Variants in B3GALT1 observed in about 807,000 individuals in gnomAD.
B3GALT1 encodes UDP-Gal:betaGlcNAc beta 1,3-galactosyltransferase, polypeptide 1.
In B3GALT1, 10 loss-of-function variants were observed where a neutral mutation model predicts 23.2. The ratio of observed to expected loss-of-function variants is 0.43; its 90% CI spans 0.27 to 0.73. The LOEUF is 0.73. B3GALT1 is among the 30% of genes least tolerant of loss of function. The probability of loss-of-function intolerance (pLI) is 0.21; values close to 1 mark genes in which losing one functional copy is unlikely to be tolerated. For synonymous variants in B3GALT1, 156 were observed against 141.5 expected, an observed-to-expected ratio of 1.10 and a Z score of -0.73; for missense variants, 299 against 405.4, an observed-to-expected ratio of 0.74 and a Z score of 2.25.
At chr2:167,296,632 A>G (rs540222470) in intron 1 of B3GALT1, among the ~76,000 whole-genome samples, 36 of 152,202 alleles carry the variant, frequency 2.4e-4, no homozygotes, top group Non-Finnish European at 4.6e-4. Flanking sequence ...CGTTCTCTTT[A>G]CTAATCTATT....
intron 1 of B3GALT1, among the ~76,000 whole-genome samples, chr2:167,418,987 A>T (rs1698509249): frequency 6.6e-6 from 1 of 152,210 alleles, no homozygotes; most frequent in African/African-American, 2.4e-5. Context: ...GGCTGCTTCC[A>T]TTAGAGTCTC....
At chr2:167,484,799 A>T (rs1699602431) in intron 1 of B3GALT1, among the ~76,000 whole-genome samples, 1 of 152,182 alleles carries the variant, frequency 6.6e-6, no homozygotes, top group African/African-American at 2.4e-5. Context: ...AGGGAAGGGG[A>T]TTCTCTACAG....
rs188032185 is a variant in B3GALT1, at chr2:167,734,714, A to G, written c.-351-83958A>G. ...TTTCCTTCTAACAATCTGATTCCCC[A>G]AGTATCGTTCCTGGACTGCTTTTCT... is the stretch of plus-strand genomic sequence containing the variant. On this transcript the variant is annotated intron_variant, in intron 3 of 4. Transcript: ENST00000392690. Among the ~76,000 whole-genome samples, 85 of 152,326 alleles carry G rather than the reference A, an allele frequency of 5.6e-4. 2 individuals carry two copies. Among genetic ancestry groups the G allele is most frequent in the African/African-American group, 1.9e-3 (77 of 41,594 alleles).
chr2:167,351,838 G>T (rs1235155899), intron 1 of B3GALT1, among the ~76,000 whole-genome samples: 5 of 151,922 alleles, frequency 3.3e-5, no homozygotes, highest in African/African-American at 1.2e-4. Flanking sequence ...GACCACTACT[G>T]TCTTTGCTTT....
In B3GALT1 at chr2:167,715,058, A is replaced by G. The variant is rs553223940; in HGVS notation, c.-352+68092A>G. On this transcript the variant is annotated intron_variant, in intron 3 of 4. Transcript: ENST00000392690. ...GTCCACTTCAGATAACTGAATAATAATGTGGTTTCTTTCTCCTTCTAAGGC... is the reference window on the plus strand; with the variant it reads ...GTCCACTTCAGATAACTGAATAATAGTGTGGTTTCTTTCTCCTTCTAAGGC... The G allele has an allele frequency of 7.8e-5, 125 of 1,612,040 alleles. No homozygotes were observed. In the African/African-American group the frequency reaches 1.6e-3, roughly 21 times the overall value.
At chr2:167,860,422 G>C (rs907685778) in intron 4 of B3GALT1, among the ~76,000 whole-genome samples, 1 of 151,902 alleles carries the variant, frequency 6.6e-6, no homozygotes, top group African/African-American at 2.4e-5. Context: ...CTTTTAGCTG[G>C]TTAATGTTGG....
At chr2:167,444,430 T>C (rs1403142896) in intron 1 of B3GALT1, among the ~76,000 whole-genome samples, 1 of 152,232 alleles carries the variant, frequency 6.6e-6, no homozygotes, top group East Asian at 1.9e-4. Context: ...TAGAATAGTT[T>C]CAGAAGGAAT....
chr2:167,385,346 A>G (rs1481009462), intron 1 of B3GALT1, among the ~76,000 whole-genome samples: 1 of 152,110 alleles, frequency 6.6e-6, no homozygotes. Context: ...ATCACTCCCT[A>G]ATAGCACTTT....
intron 1 of B3GALT1, among the ~76,000 whole-genome samples, chr2:167,437,921 G>T (rs1365884770): frequency 6.6e-6 from 1 of 152,184 alleles, no homozygotes. Context: ...ATTAAAGTCT[G>T]TTAAGGTAGA....
intron 1 of B3GALT1, among the ~76,000 whole-genome samples, chr2:167,447,768 C>T (rs1005115778): frequency 6.6e-6 from 1 of 152,146 alleles, no homozygotes; most frequent in Non-Finnish European, 1.5e-5. Flanking sequence ...GTCACAGCTT[C>T]CCTTGTCTAG....
At chr2:167,327,973 G>A (rs1205307397) in intron 1 of B3GALT1, among the ~76,000 whole-genome samples, 1 of 152,152 alleles carries the variant, frequency 6.6e-6, no homozygotes, top group Non-Finnish European at 1.5e-5. Context: ...CATCTATTGA[G>A]ATGACCATGT....
chr2:167,678,444 T>C (rs1305845052), intron 3 of B3GALT1, among the ~76,000 whole-genome samples: 1 of 151,834 alleles, frequency 6.6e-6, no homozygotes, highest in African/African-American at 2.4e-5. Flanking sequence ...CGAGCTTAAG[T>C]AGTCTGCCTG....
rs185138926 is a variant in B3GALT1 at position 167,616,329 on chromosome 2, A to G, written c.-409-30580A>G. ...TTTAAATCACATACTTTGACCCAGTAATTACTGCCCTGGGGAAACTATTAA... is the reference window on the plus strand; with the variant it reads ...TTTAAATCACATACTTTGACCCAGTGATTACTGCCCTGGGGAAACTATTAA... On this transcript the variant is annotated intron_variant, in intron 2 of 4. Coordinates refer to ENST00000392690, the MANE Select transcript of B3GALT1 (RefSeq NM_020981.4). Among the ~76,000 whole-genome samples, 101 of 152,160 alleles carry G rather than the reference A, an allele frequency of 6.6e-4. No individual in the cohort carries two copies. In the Middle Eastern group the frequency reaches 0.014, roughly 20 times the overall value.
At chr2:167,693,176 G>A (rs1468291814) in intron 3 of B3GALT1, among the ~76,000 whole-genome samples, 4 of 151,832 alleles carry the variant, frequency 2.6e-5, no homozygotes, top group African/African-American at 9.7e-5. Context: ...ACAGAGTATG[G>A]GGAAATGATT....
intron 3 of B3GALT1, among the ~76,000 whole-genome samples, chr2:167,785,970 C>G (rs138997394): frequency 6.6e-6 from 1 of 152,336 alleles, no homozygotes; most frequent in Non-Finnish European, 1.5e-5. Context: ...TTCAAATCAG[C>G]AACAACCATT....
chr2:167,746,329 A>G (rs1274783515), intron 3 of B3GALT1, among the ~76,000 whole-genome samples: 2 of 152,228 alleles, frequency 1.3e-5, no homozygotes, highest in African/African-American at 4.8e-5. Context: ...AAGTTTAGTT[A>G]AGAGACTTGA....
chr2:167,737,566 A>G (rs1259616590), intron 3 of B3GALT1, among the ~76,000 whole-genome samples: 1 of 152,242 alleles, frequency 6.6e-6, no homozygotes. Flanking sequence ...CTTCAGTTGA[A>G]GAGGAGTCTT....
At position 167,686,502 on chromosome 2, in the gene B3GALT1, C is replaced by T. The variant is rs141917707; in HGVS notation, c.-352+39536C>T. Among the ~76,000 whole-genome samples the T allele has an allele frequency of 2.6e-5, 4 of 152,162 alleles. No individual in the cohort carries two copies. In the East Asian group the frequency reaches 7.7e-4, roughly 29 times the overall value. On this transcript the variant is annotated intron_variant, in intron 3 of 4. Transcript: ENST00000392690. Reference sequence around the variant, plus strand: ...AATTTAAAGGAAGTGCCATTTTAAGCATCTACTGTAAGTTCTCAAGTTCAA... The same window carrying T: ...AATTTAAAGGAAGTGCCATTTTAAGTATCTACTGTAAGTTCTCAAGTTCAA...
chr2:167,345,973 A>T (rs1257731590), intron 1 of B3GALT1, among the ~76,000 whole-genome samples: 1 of 151,748 alleles, frequency 6.6e-6, no homozygotes, highest in Admixed American at 6.6e-5. Context: ...TTTCCAGCTT[A>T]CTTTAGCACA....
Sources: allele counts gnomAD v4.1 joint callset (sites outside exome capture counted in the v4.1 genomes callset), GRCh38; gene constraint gnomAD v4.1.1; transcripts MANE v1.5; gene names NCBI Gene and HGNC (gene_info 2026-07-23, HGNC 2026-07-21).